The following XYLT2 variants were observed in gnomAD, a reference collection of about 807,000 sequenced individuals.
XYLT2 encodes UDP-D-xylose:proteoglycan core protein beta-D-xylosyltransferase.
A neutral mutation model predicts 82.6 loss-of-function variants in XYLT2; 37 were observed. The ratio of observed to expected loss-of-function variants is 0.45; its 90% CI spans 0.34 to 0.59. XYLT2 has a LOEUF of 0.59. XYLT2 is among the 20% of genes least tolerant of loss of function. The pLI is 0.01. For missense variants in XYLT2, 934 were observed against 1,181.3 expected, an observed-to-expected ratio of 0.79 and a Z score of 3.07; for synonymous variants, 474 against 499.0, an observed-to-expected ratio of 0.95 and a Z score of 0.67.
In XYLT2 at chr17:50,346,493, C is replaced by G; in HGVS notation, c.135+218C>G. 1.2e-6 allele frequency: 1 copy of G among 840,058 alleles called. No homozygotes were observed. Among genetic ancestry groups the G allele is most frequent in the Non-Finnish European group, 1.4e-6 (1 of 697,218 alleles). 52.0% of individuals were successfully genotyped at this position (840,058 alleles called of 1,614,324 possible). A position where few individuals can be genotyped will look rare whatever the true frequency, so the allele number is the denominator to read the frequency against. ...GGGGGCAGTGCGTGACCTGGAGACC[C>G]GGGCCCTGGTGGATTGGGAGTCGGG... is the stretch of plus-strand genomic sequence containing the variant. On this transcript the variant is annotated intron_variant, in intron 1 of 10. Transcript: ENST00000017003. The surrounding 1 kb of genome is among the most constrained non-coding windows in gnomAD (Gnocchi z 5.1).
rs1480152389 is a variant in XYLT2, at chr17:50,361,136, T to C, written c.*845T>C. The stretch of plus-strand genomic sequence containing the variant: ...TCTGAAATATGCAACAGAAGAAATA[T>C]ATCTCTATCTCTCTACTCTGGGCTC... On this transcript the variant is annotated 3_prime_UTR_variant, in exon 11 of 11. Transcript: ENST00000017003. 19 of 985,806 alleles carry C rather than the reference T, an allele frequency of 1.9e-5. No individual in the cohort carries two copies. Among genetic ancestry groups the C allele is most frequent in the Non-Finnish European group, 2.2e-5 (18 of 829,950 alleles). The allele number at this position is 985,806 out of a possible 1,614,324, so 61.1% of individuals were successfully genotyped here.
rs72832443 is a variant in XYLT2 at position 50,352,196 on chromosome 17, C to G, written c.136-1434C>G. Among the ~76,000 whole-genome samples, 679 of 152,310 alleles carry G rather than the reference C, an allele frequency of 4.5e-3. 2 individuals carry two copies. The highest frequency in any genetic ancestry group is 7.7e-3 in the Admixed American group (118 of 15,298). On this transcript the variant is annotated intron_variant, in intron 1 of 10. Coordinates refer to ENST00000017003, the MANE Select transcript of XYLT2 (RefSeq NM_022167.4). ...GGCTGGAGACGGCTCTCCCTAGCTG[C>G]AGTGTCTCATGCTCAGTTGTTACTC... is the stretch of plus-strand genomic sequence containing the variant.
At position 50,360,562 on chromosome 17, in the gene XYLT2, C is replaced by CT. The variant is rs1353598617; in HGVS notation, c.*279dup. 1,158 of 1,012,728 alleles carry CT rather than the reference C, an allele frequency of 1.1e-3. 4 individuals carry two copies. Among genetic ancestry groups the CT allele is most frequent in the Admixed American group, 5.1e-3 (57 of 11,242 alleles). The allele number at this position is 1,012,728 out of a possible 1,614,324, so 62.7% of individuals were successfully genotyped here. A position where few individuals can be genotyped will look rare whatever the true frequency, so the allele number is the denominator to read the frequency against. The stretch of plus-strand genomic sequence containing the variant: ...TCACCTTCCTGTCTAGTTTGAATTT[C>CT]TTTTTTTTCTTTTTTTTTTTTTTTT... On this transcript the variant is annotated 3_prime_UTR_variant, in exon 11 of 11. Transcript: ENST00000017003.
At chr17:50,357,585 T>A in intron 9 of XYLT2, 3 of 238,234 alleles carry the variant, frequency 1.3e-5, no homozygotes, top group Non-Finnish European at 1.6e-5. Flanking sequence ...GAGTGGCTCC[T>A]CATAGTCTTT....
chr17:50,355,622 T>TC, intron 5 of XYLT2, 41 bp downstream of exon 5: 3 of 1,609,990 alleles, frequency 1.9e-6, no homozygotes, highest in Non-Finnish European at 2.5e-6. Context: ...CAGAGTCTTG[T>TC]CCCAACCCCT....
Position 50,346,977 on chromosome 17 carries a change from C to G in XYLT2, c.135+702C>G. 1.0e-6 allele frequency: 1 copy of G among 978,396 alleles called. No individual in the cohort carries two copies. Among genetic ancestry groups the G allele is most frequent in the Non-Finnish European group, 1.2e-6 (1 of 823,606 alleles). 60.6% of individuals were successfully genotyped at this position (978,396 alleles called of 1,614,324 possible). On this transcript the variant is annotated intron_variant, in intron 1 of 10. Coordinates refer to ENST00000017003, the MANE Select transcript of XYLT2 (RefSeq NM_022167.4). The surrounding 1 kb of genome is among the most constrained non-coding windows in gnomAD (Gnocchi z 5.1). Reference sequence around the variant, plus strand: ...CCTTAGGGAATTAGGGAGGGGCCCTCTGGCTTTAAGGGAATGGGGACTGTA... The same window carrying G: ...CCTTAGGGAATTAGGGAGGGGCCCTGTGGCTTTAAGGGAATGGGGACTGTA...
In XYLT2 at chr17:50,360,571, C is replaced by CTTTTTTT. The variant is rs386386236; in HGVS notation, c.*293_*299dup. ...TGTCTAGTTTGAATTTCTTTTTTTTCTTTTTTTTTTTTTTTTTTTAATTTA... is the reference window on the plus strand; with the variant it reads ...TGTCTAGTTTGAATTTCTTTTTTTTCTTTTTTTTTTTTTTTTTTTTTTTTTTAATTTA... On this transcript the variant is annotated 3_prime_UTR_variant, in exon 11 of 11. Transcript: ENST00000017003. 74 of 979,686 alleles carry CTTTTTTT rather than the reference C, an allele frequency of 7.6e-5. No homozygotes were observed. Among genetic ancestry groups the CTTTTTTT allele is most frequent in the Middle Eastern group, 4.8e-4 (1 of 2,092 alleles). The allele number at this position is 979,686 out of a possible 1,614,324, so 60.7% of individuals were successfully genotyped here.
At chr17:50,355,463 A>C in intron 4 of XYLT2, 38 bp from the exon 5 acceptor site, 1 of 1,603,620 alleles carries the variant, frequency 6.2e-7, no homozygotes, top group Non-Finnish European at 8.5e-7. Flanking sequence ...CTGAGCAACT[A>C]TCTCATGTGG....
intron 1 of XYLT2, among the ~76,000 whole-genome samples, chr17:50,348,053 GTAAA>G (rs1287598817): frequency 2.6e-5 from 4 of 152,358 alleles, no homozygotes; most frequent in South Asian, 2.1e-4. Context: ...TCAGCTGTCA[GTAAA>G]TAAATAACTC....
chr17:50,349,832 C>G (rs1018563803), intron 1 of XYLT2, among the ~76,000 whole-genome samples: 3 of 152,102 alleles, frequency 2.0e-5, no homozygotes, highest in Admixed American at 6.5e-5. Context: ...TTGGGTCTCT[C>G]TTGACTTCAC....
In XYLT2 at chr17:50,349,281, C is replaced by T. The variant is rs1261944504; in HGVS notation, c.135+3006C>T. Among the ~76,000 whole-genome samples the T allele has an allele frequency of 3.3e-5, 5 of 152,346 alleles. No individual in the cohort carries two copies. The East Asian group carries it at 9.6e-4, about 29-fold the overall frequency. On this transcript the variant is annotated intron_variant, in intron 1 of 10. Coordinates refer to ENST00000017003, the MANE Select transcript of XYLT2 (RefSeq NM_022167.4). ...TGTGCTCTGTAGCCAGCTCACATGT[C>T]ACCAGGCTGATGCACACTCAGCTCA...
At chr17:50,354,376 G>C in intron 2 of XYLT2, 32 bp from the exon 3 acceptor site, 1 of 1,576,052 alleles carries the variant, frequency 6.3e-7, no homozygotes, top group Non-Finnish European at 8.6e-7. Flanking sequence ...GACCTAGGGT[G>C]GGCCTCGCCA....
At position 50,357,201 on chromosome 17, in the gene XYLT2, G is replaced by T; in HGVS notation, c.1890G>T (p.Ser630=). The change falls in exon 9 of 11, where the codon TCG becomes TCT. Residue 630 remains serine, a synonymous_variant. Transcript: ENST00000017003. ...TLEMWLMPQG[S]LKLLGRSDQA... is the part of the protein sequence containing the mutation. ...AGATGTGGCTGATGCCCCAAGGGTC[G>T]CTGAAGCTGTTGGGGCGCAGTGACC... 6.2e-7 allele frequency: 1 copy of T among 1,610,188 alleles called. No individual in the cohort carries two copies.
Position 50,358,160 on chromosome 17 carries a change from A to G in XYLT2, c.1942-47A>G, listed in dbSNP as rs368264504. On this transcript the variant is annotated intron_variant, in intron 9 of 10. Coordinates refer to ENST00000017003, the MANE Select transcript of XYLT2 (RefSeq NM_022167.4). ...TGAGAGGCAGCTTCAGAGGAGGGAGAAGGACCTTTCCCCCACACTCCTGCC... is the reference window on the plus strand; with the variant it reads ...TGAGAGGCAGCTTCAGAGGAGGGAGGAGGACCTTTCCCCCACACTCCTGCC... 9.3e-6 allele frequency: 14 copies of G among 1,499,026 alleles called. No homozygotes were observed. In the African/African-American group the frequency reaches 1.8e-4, roughly 19 times the overall value. The allele number at this position is 1,499,026 out of a possible 1,614,324, so 92.9% of individuals were successfully genotyped here.
At chr17:50,359,262 T>C (rs1174456596) in intron 10 of XYLT2, 1 of 152,400 alleles carries the variant, frequency 6.6e-6, no homozygotes, top group African/African-American at 2.4e-5. Flanking sequence ...GCTGGGCAAA[T>C]TTCCTGCAAG....
chr17:50,357,789 C>G, intron 9 of XYLT2: 1 of 174,734 alleles, frequency 5.7e-6, no homozygotes, highest in Non-Finnish European at 1.2e-5. Context: ...ACCATGTTGA[C>G]CAGGATGATC....
Position 50,353,831 on chromosome 17 carries a change from C to G in XYLT2, c.337C>G (p.Pro113Ala). 1 of 1,591,332 alleles carries G rather than the reference C, an allele frequency of 6.3e-7. No individual in the cohort carries two copies. ...QRASRRVPPAPPPEAPGRQNL... is the reference protein window; with the variant it reads ...QRASRRVPPAAPPEAPGRQNL... The stretch of plus-strand genomic sequence containing the variant: ...AGCCAGCCGGCGGGTCCCACCTGCC[C>G]CACCCCCGGAAGCCCCAGGCCGCCA... The change falls in exon 2 of 11, where the codon CCA becomes GCA. Residue 113 changes from proline to alanine, a missense_variant. Physicochemically the swap from Pro to Ala is conservative, Grantham distance 27. Transcript: ENST00000017003.
In XYLT2 at chr17:50,360,566, T is replaced by TTTTTC; in HGVS notation, c.*280_*284dup. The TTTTTC allele has an allele frequency of 2.8e-6, 3 of 1,076,626 alleles. No homozygotes were observed. Among genetic ancestry groups the TTTTTC allele is most frequent in the Non-Finnish European group, 3.3e-6 (3 of 902,942 alleles). 66.7% of individuals were successfully genotyped at this position (1,076,626 alleles called of 1,614,324 possible). Reference sequence around the variant, plus strand: ...CTTCCTGTCTAGTTTGAATTTCTTTTTTTTCTTTTTTTTTTTTTTTTTTTA... The same window carrying TTTTTC: ...CTTCCTGTCTAGTTTGAATTTCTTTTTTTTCTTTTCTTTTTTTTTTTTTTTTTTTA... On this transcript the variant is annotated 3_prime_UTR_variant, in exon 11 of 11. Transcript: ENST00000017003.
At chr17:50,349,843 G>T (rs554283848) in intron 1 of XYLT2, among the ~76,000 whole-genome samples, 6 of 152,196 alleles carry the variant, frequency 3.9e-5, no homozygotes, top group African/African-American at 1.4e-4. Flanking sequence ...TTGACTTCAC[G>T]TTTGACTAAT....
Sources: gnomAD v4.1 joint callset for allele counts (sites outside exome capture counted in the v4.1 genomes callset) on GRCh38, gnomAD v4.1.1 for gene constraint, Gnocchi (gnomAD v3.1) non-coding constraint, MANE v1.5 for transcripts, NCBI Gene and HGNC (gene_info 2026-07-23, HGNC 2026-07-21) for gene names.